Variants in PTPN3 observed in about 807,000 individuals in gnomAD.
PTPN3 encodes tyrosine-protein phosphatase non-receptor type 3.
PTPN3 carries 96 observed loss-of-function variants against 132.7 expected under a neutral mutation model. The ratio of observed to expected loss-of-function variants is 0.72; its 90% CI spans 0.61 to 0.86. PTPN3 has a LOEUF of 0.86. PTPN3 is among the 40% of genes least tolerant of loss of function. PTPN3 has a pLI of 0.00. For missense variants in PTPN3, 1,125 were observed against 1,159.6 expected (o/e 0.97, Z 0.43); for synonymous variants, 398 against 429.0 (o/e 0.93, Z 0.89).
chr9:109,427,810 A>G (rs1378835205), intron 11 of PTPN3, among the ~76,000 whole-genome samples: 3 of 152,162 alleles, frequency 2.0e-5, no homozygotes, highest in African/African-American at 7.2e-5. Context: ...CCTTTGAAAA[A>G]TTGGGAAATT....
At chr9:109,423,537 CAG>C (rs1263909753) in intron 12 of PTPN3, among the ~76,000 whole-genome samples, 1 of 152,178 alleles carries the variant, frequency 6.6e-6, no homozygotes, top group Non-Finnish European at 1.5e-5. Flanking sequence ...ATCCCCGAGA[CAG>C]AGGTTGCAGC....
At chr9:109,519,715 A>G in the PTPN3 span, among the ~76,000 whole-genome samples, 1 of 151,422 alleles carries the variant, frequency 6.6e-6, no homozygotes, top group African/African-American at 2.4e-5. Flanking sequence ...GAGATTGAGA[A>G]TAAGAGGACA....
chr9:109,436,489 C>CTATCATATATGATAGT (rs974339946), intron 9 of PTPN3, among the ~76,000 whole-genome samples: 24 of 152,110 alleles, frequency 1.6e-4, no homozygotes, highest in African/African-American at 5.8e-4. Context: ...TTTAAAAAAA[C>CTATCATATATGATAGT]TATCATATAT....
intron 1 of PTPN3, among the ~76,000 whole-genome samples, chr9:109,488,684 TC>T (rs1450383287): frequency 1.3e-5 from 2 of 152,228 alleles, no homozygotes; most frequent in Non-Finnish European, 2.9e-5. Context: ...TGTATTTTCT[TC>T]TAGGCAGAAA....
intron 6 of PTPN3, among the ~76,000 whole-genome samples, chr9:109,446,372 G>A (rs1306379158): frequency 6.6e-6 from 1 of 152,222 alleles, no homozygotes; most frequent in Non-Finnish European, 1.5e-5. Context: ...TGCACTGTGT[G>A]CTGGTTCTGC....
chr9:109,474,533 A>G (rs1025131039), intron 1 of PTPN3, among the ~76,000 whole-genome samples: 1 of 152,010 alleles, frequency 6.6e-6, no homozygotes, highest in African/African-American at 2.4e-5. Context: ...GGTTCACAGA[A>G]ATTTCATGGG....
In PTPN3 at chr9:109,420,579, G is replaced by A. The variant is rs778196730; in HGVS notation, c.1158C>T (p.His386=). 8.1e-6 allele frequency: 13 copies of A among 1,610,432 alleles called. No homozygotes were observed. Among genetic ancestry groups the A allele is most frequent in the Admixed American group, 6.7e-5 (4 of 59,956 alleles). ...TPNWRSPRLR[H]EIRKPRHSSA... ...AAGAGTGGCGTGGCTTTCGGATTTC[G>A]TGCCGGAGCCGAGGACTTCGCCTGG... Residue 386 remains histidine, a synonymous_variant, in exon 14 of 26, where the codon CAC becomes CAT. Transcript: ENST00000374541.
intron 13 of PTPN3, 104 bp from the exon 14 acceptor site, chr9:109,420,704 T>A: frequency 4.1e-6 from 5 of 1,212,830 alleles, no homozygotes; most frequent in Non-Finnish European, 5.6e-6. Flanking sequence ...TAAGGATGCC[T>A]TCCTTGGCGG....
At chr9:109,503,552 T>A in the PTPN3 span, among the ~76,000 whole-genome samples, 1 of 151,766 alleles carries the variant, frequency 6.6e-6, no homozygotes, top group African/African-American at 2.4e-5. Context: ...TTAAAAAAAA[T>A]ACAAAAATTA....
the PTPN3 span, among the ~76,000 whole-genome samples, chr9:109,508,449 C>T: frequency 2.6e-4 from 40 of 152,130 alleles, no homozygotes; most frequent in Non-Finnish European, 5.3e-4. Flanking sequence ...CTTGAGCCAC[C>T]GCGCCTGGCC....
the PTPN3 span, among the ~76,000 whole-genome samples, chr9:109,514,224 A>T: frequency 6.6e-6 from 1 of 151,260 alleles, no homozygotes; most frequent in Non-Finnish European, 1.5e-5. Flanking sequence ...TGATCTGCAG[A>T]CTCCTCTCAT....
At chr9:109,522,313 G>C in the PTPN3 span, among the ~76,000 whole-genome samples, 8 of 152,166 alleles carry the variant, frequency 5.3e-5, no homozygotes, top group Admixed American at 2.0e-4. Context: ...GGCCAAAAGT[G>C]TGGGCCCCTC....
At chr9:109,507,909 G>T in the PTPN3 span, among the ~76,000 whole-genome samples, 1 of 152,222 alleles carries the variant, frequency 6.6e-6, no homozygotes, top group South Asian at 2.1e-4. Flanking sequence ...GTGTCTCTCA[G>T]TTGGGTCCTG....
At chr9:109,425,479 G>C (rs1843183594) in intron 12 of PTPN3, among the ~76,000 whole-genome samples, 1 of 152,092 alleles carries the variant, frequency 6.6e-6, no homozygotes, top group South Asian at 2.1e-4. Flanking sequence ...GGGAGGCCGA[G>C]GCAGGCAGAT....
chr9:109,379,108 G>C lies in PTPN3; in HGVS notation c.*448C>G, dbSNP rs1303119659. 2 of 161,484 alleles carry C rather than the reference G, an allele frequency of 1.2e-5. No homozygotes were observed. The highest frequency in any genetic ancestry group is 2.4e-5 in the African/African-American group (1 of 41,562). The allele number at this position is 161,484 out of a possible 1,614,324, so 10.0% of individuals were successfully genotyped here. A position where few individuals can be genotyped will look rare whatever the true frequency, so the allele number is the denominator to read the frequency against. On this transcript the variant is annotated 3_prime_UTR_variant, in exon 26 of 26. Coordinates refer to ENST00000374541, the MANE Select transcript of PTPN3 (RefSeq NM_002829.4). The stretch of plus-strand genomic sequence containing the variant: ...GGGCGGGTGAATCTGAATTGTTCCA[G>C]CTCCACCTAGAAGCACAGAAAGCTC...
At chr9:109,386,990 G>C (rs2131610215) in intron 22 of PTPN3, among the ~76,000 whole-genome samples, 1 of 152,332 alleles carries the variant, frequency 6.6e-6, no homozygotes, top group East Asian at 1.9e-4. Flanking sequence ...GGCAGCGGCA[G>C]ACCGTGGTGA....
chr9:109,398,142 C>T (rs758503990), intron 19 of PTPN3, among the ~76,000 whole-genome samples: 8 of 152,070 alleles, frequency 5.3e-5, no homozygotes, highest in Non-Finnish European at 1.2e-4. Flanking sequence ...GGCATGGTGG[C>T]GCATGCCTGT....
chr9:109,481,506 C>T (rs1846956918), intron 1 of PTPN3, among the ~76,000 whole-genome samples: 1 of 152,184 alleles, frequency 6.6e-6, no homozygotes, highest in Non-Finnish European at 1.5e-5. Flanking sequence ...TGTTCCCTCT[C>T]CTTGAACACC....
chr9:109,378,563 A>G lies in PTPN3; in HGVS notation c.*993T>C, dbSNP rs971103811. ...CTCACCCCTGGGCACACACATGTAC[A>G]CAGCCCCACGGCCAACCCTCCAGAA... On this transcript the variant is annotated 3_prime_UTR_variant, in exon 26 of 26. Transcript: ENST00000374541. 1 of 152,674 alleles carries G rather than the reference A, an allele frequency of 6.5e-6. No homozygotes were observed. The highest frequency in any genetic ancestry group is 2.4e-5 in the African/African-American group (1 of 41,452). The allele number at this position is 152,674 out of a possible 1,614,324, so 9.5% of individuals were successfully genotyped here.
Sources: gnomAD v4.1 joint callset for allele counts (sites outside exome capture counted in the v4.1 genomes callset) on GRCh38, gnomAD v4.1.1 for gene constraint, MANE v1.5 for transcripts, NCBI Gene and HGNC (gene_info 2026-07-23, HGNC 2026-07-21) for gene names.